The following PCDHA6 variants were observed in gnomAD, a reference collection of about 807,000 sequenced individuals.
The protein encoded by PCDHA6 is protocadherin alpha 6, also known as protocadherin alpha-6.
Under a neutral mutation model 60.3 loss-of-function variants are expected in PCDHA6, and 55 were observed. That is an observed-to-expected ratio of 0.91 (90% confidence interval 0.73 to 1.14). The LOEUF (loss-of-function observed/expected upper bound fraction) is 1.14. PCDHA6 is among the 50% of genes most tolerant of loss of function. The pLI is 0.00. For missense variants in PCDHA6, 1,327 were observed against 1,256.5 expected (o/e 1.06, Z -0.85); for synonymous variants, 652 against 557.9 (o/e 1.17, Z -2.38).
At chr5:140,934,690 T>C (rs1263392505) in intron 1 of PCDHA6, among the ~76,000 whole-genome samples, 1 of 152,198 alleles carries the variant, frequency 6.6e-6, no homozygotes, top group Non-Finnish European at 1.5e-5. Flanking sequence ...AAACAATGAA[T>C]TGATTCCTGG....
chr5:140,911,583 G>C (rs1245667621), intron 1 of PCDHA6, among the ~76,000 whole-genome samples: 4 of 152,150 alleles, frequency 2.6e-5, no homozygotes, highest in African/African-American at 7.2e-5. Context: ...GTGAACTTAG[G>C]AGGAACCAAC....
chr5:140,998,781 C>G (rs1554256464), intron 3 of PCDHA6, among the ~76,000 whole-genome samples: 1 of 152,162 alleles, frequency 6.6e-6, no homozygotes, highest in East Asian at 1.9e-4. Context: ...TCAGGCTGGT[C>G]TGGAACCCCT....
chr5:140,834,443 T>C (rs1554134210), intron 1 of PCDHA6: 2 of 1,602,170 alleles, frequency 1.2e-6, no homozygotes, highest in Admixed American at 1.7e-5. Flanking sequence ...TTATTATAAT[T>C]CTAGCAGCTT....
At chr5:140,968,965 C>T in intron 1 of PCDHA6, 1 of 1,614,208 alleles carries the variant, frequency 6.2e-7, no homozygotes, top group Non-Finnish European at 8.5e-7. Context: ...AGTGCTACCG[C>T]TACACTGCGT....
intron 1 of PCDHA6, among the ~76,000 whole-genome samples, chr5:140,902,501 A>G (rs1264806549): frequency 1.3e-5 from 2 of 152,020 alleles, no homozygotes; most frequent in Admixed American, 6.6e-5. Context: ...ACTAGCTGTG[A>G]GTCTGTCATA....
rs2150360253 is a variant in PCDHA6, at chr5:140,843,448, C to T, written c.2394+12963C>T. ...TCATCGCCATCTGCGCGGTATCCAGCCTGCTGGTGCTCACGCTGCTGCTGT... is the reference window on the plus strand; with the variant it reads ...TCATCGCCATCTGCGCGGTATCCAGTCTGCTGGTGCTCACGCTGCTGCTGT... On this transcript the variant is annotated intron_variant, in intron 1 of 3. Transcript: ENST00000529310. The T allele has an allele frequency of 1.9e-6, 3 of 1,595,998 alleles. No homozygotes were observed. The South Asian group carries it at 3.3e-5, about 18-fold the overall frequency.
chr5:140,895,861 G>C (rs1248344470), intron 1 of PCDHA6, among the ~76,000 whole-genome samples: 2 of 152,184 alleles, frequency 1.3e-5, no homozygotes, highest in African/African-American at 4.8e-5. Context: ...CCCCAGGCTG[G>C]AGTGCAATGG....
At position 140,829,800 on chromosome 5, in the gene PCDHA6, T is replaced by A. The variant is rs2150175020; in HGVS notation, c.1709T>A (p.Val570Glu). 1.9e-6 allele frequency: 3 copies of A among 1,613,688 alleles called. No homozygotes were observed. Among genetic ancestry groups the A allele is most frequent in the East Asian group, 2.2e-5 (1 of 44,860 alleles). Reference protein sequence around the residue: ...DNAPALLAPRVGGTGGAVSEL... With the variant: ...DNAPALLAPREGGTGGAVSEL... The stretch of plus-strand genomic sequence containing the variant: ...GCGCCGGCGCTGCTGGCGCCTCGGG[T>A]GGGTGGTACTGGTGGTGCAGTGAGC... Residue 570 changes from valine to glutamate, a missense_variant, in exon 1 of 4, where the codon GTG (valine) becomes GAG (glutamate). Val to Glu is a moderately radical substitution (Grantham distance 121). Coordinates refer to ENST00000529310, the MANE Select transcript of PCDHA6 (RefSeq NM_018909.4).
At position 140,836,014 on chromosome 5, in the gene PCDHA6, C is replaced by T. The variant is rs1554135544; in HGVS notation, c.2394+5529C>T. The T allele has an allele frequency of 4.3e-6, 7 of 1,613,364 alleles. No individual in the cohort carries two copies. In the Admixed American group the frequency reaches 8.3e-5, roughly 19 times the overall value. On this transcript the variant is annotated intron_variant, in intron 1 of 3. Transcript: ENST00000529310. ...AGCGCGCGCGATGCGGGCGTGCCGC[C>T]TCTGGGCAGCAACGTGACGCTGCAG...
chr5:140,967,056 G>A, intron 1 of PCDHA6: 1 of 1,612,712 alleles, frequency 6.2e-7, no homozygotes, highest in Non-Finnish European at 8.5e-7. Context: ...CTGACGAGTG[G>A]AGCGCTCTTC....
chr5:140,919,115 T>G (rs2079009343), intron 1 of PCDHA6, among the ~76,000 whole-genome samples: 1 of 152,228 alleles, frequency 6.6e-6, no homozygotes, highest in Non-Finnish European at 1.5e-5. Context: ...TTCTGCCAGT[T>G]TTTGCTTCAT....
At chr5:140,892,707 G>A (rs958500270) in intron 1 of PCDHA6, among the ~76,000 whole-genome samples, 1 of 152,136 alleles carries the variant, frequency 6.6e-6, no homozygotes, top group African/African-American at 2.4e-5. Flanking sequence ...AGGGTAATTA[G>A]CATATTCATA....
chr5:140,834,802 T>C, intron 1 of PCDHA6: 1 of 1,612,920 alleles, frequency 6.2e-7, no homozygotes, highest in Non-Finnish European at 8.5e-7. Context: ...CAAAGGAATC[T>C]GTTCATCGCG....
At chr5:140,955,648 A>G (rs1554222007) in intron 1 of PCDHA6, among the ~76,000 whole-genome samples, 1 of 152,138 alleles carries the variant, frequency 6.6e-6, no homozygotes, top group East Asian at 1.9e-4. Flanking sequence ...ACAAATTAAT[A>G]CACATATGAA....
intron 1 of PCDHA6, among the ~76,000 whole-genome samples, chr5:140,902,203 C>CTT (rs148688132): frequency 1.7e-4 from 21 of 124,438 alleles, no homozygotes; most frequent in East Asian, 4.4e-4. Context: ...CTCTCTCTTT[C>CTT]TTTTTTTTTT....
intron 1 of PCDHA6, among the ~76,000 whole-genome samples, chr5:140,944,853 C>G (rs1230548858): frequency 6.6e-6 from 1 of 152,118 alleles, no homozygotes; most frequent in Non-Finnish European, 1.5e-5. Context: ...TTAGAATCAT[C>G]CTTATTTATC....
At chr5:140,865,937 T>C (rs529378074) in intron 1 of PCDHA6, 1 of 152,212 alleles carries the variant, frequency 6.6e-6, no homozygotes, top group Admixed American at 6.5e-5. Context: ...AGAAACTTCA[T>C]GATTGTCTTC....
chr5:140,875,521 T>C (rs2055562442), intron 1 of PCDHA6: 2 of 1,614,014 alleles, frequency 1.2e-6, no homozygotes, highest in Non-Finnish European at 1.7e-6. Flanking sequence ...TCTGCTGCTC[T>C]CGCTTCTGCT....
At chr5:140,843,111 T>TGAA (rs2150352902) in intron 1 of PCDHA6, 1 of 1,595,832 alleles carries the variant, frequency 6.3e-7, no homozygotes, top group South Asian at 1.1e-5. Context: ...GTGCGCGCAG[T>TGAA]GGACGCCGAC....
Sources: allele counts gnomAD v4.1 joint callset (sites outside exome capture counted in the v4.1 genomes callset), GRCh38; gene constraint gnomAD v4.1.1; transcripts MANE v1.5; gene names NCBI Gene and HGNC (gene_info 2026-07-23, HGNC 2026-07-21).